SLC60A2: variants seen among roughly 807,000 people sequenced by gnomAD.
SLC60A2 encodes major facilitator superfamily domain containing 4B.
At chr6:111,259,351 T>A in the SLC60A2 span, 1 of 315,466 alleles carries the variant, frequency 3.2e-6, no homozygotes, top group East Asian at 5.0e-5. Context: ...AGAGCGAGCG[T>A]CTTTTGCCAC....
chr6:111,265,404 C>T, the SLC60A2 span: 2 of 985,170 alleles, frequency 2.0e-6, no homozygotes, highest in South Asian at 9.4e-5. Context: ...ATTCAGGTTC[C>T]TGGACGTGTG....
chr6:111,266,707 A>C, the SLC60A2 span: 2 of 1,614,150 alleles, frequency 1.2e-6, no homozygotes, highest in Non-Finnish European at 1.7e-6. Context: ...AAATACCCTG[A>C]TTTGCCTGTA....
chr6:111,274,092 G>A, the SLC60A2 span, among the ~76,000 whole-genome samples: 11 of 152,164 alleles, frequency 7.2e-5, no homozygotes, highest in African/African-American at 2.4e-4. Context: ...CTGGGCTCAA[G>A]CATTCCTCCC....
chr6:111,279,747 A>G, the SLC60A2 span, among the ~76,000 whole-genome samples: 41 of 152,178 alleles, frequency 2.7e-4, no homozygotes, highest in Middle Eastern at 3.4e-3. Flanking sequence ...CAGAGTAGGA[A>G]TGATCTTGCA....
the SLC60A2 span, chr6:111,266,398 C>T: frequency 1.2e-6 from 2 of 1,614,074 alleles, no homozygotes; most frequent in Non-Finnish European, 1.7e-6. Context: ...GGGACATTTG[C>T]AGCCTGCAGG....
chr6:111,262,461 T>C, the SLC60A2 span: 1 of 1,558,264 alleles, frequency 6.4e-7, no homozygotes, highest in Admixed American at 1.8e-5. Context: ...TTTATGACTG[T>C]CAAGTGAATT....
the SLC60A2 span, chr6:111,264,015 A>G: frequency 1.3e-6 from 1 of 786,382 alleles, no homozygotes; most frequent in Admixed American, 2.0e-5. Flanking sequence ...AGATGATACT[A>G]AACTGTCACT....
the SLC60A2 span, among the ~76,000 whole-genome samples, chr6:111,277,361 G>C: frequency 6.6e-6 from 1 of 152,184 alleles, no homozygotes; most frequent in Non-Finnish European, 1.5e-5. Context: ...AAGAAAGAAA[G>C]CTTTCTCCTA....
the SLC60A2 span, among the ~76,000 whole-genome samples, chr6:111,260,860 G>C: frequency 6.6e-6 from 1 of 152,232 alleles, no homozygotes; most frequent in Admixed American, 6.5e-5. Flanking sequence ...CTGTGCTCAG[G>C]CTTCTCTCGA....
chr6:111,278,039 C>G, the SLC60A2 span: 30 of 152,304 alleles, frequency 2.0e-4, no homozygotes, highest in Admixed American at 1.8e-3. Context: ...AGTTCTGTGT[C>G]CAAGCACTCT....
chr6:111,266,476 G>A, the SLC60A2 span: 2 of 1,614,214 alleles, frequency 1.2e-6, no homozygotes, highest in Admixed American at 3.3e-5. Flanking sequence ...AACATTGGCA[G>A]CCTGACTTCA....
the SLC60A2 span, among the ~76,000 whole-genome samples, chr6:111,262,717 C>T: frequency 6.6e-6 from 1 of 152,032 alleles, no homozygotes; most frequent in Non-Finnish European, 1.5e-5. Flanking sequence ...ACTGGTTGTC[C>T]AAAAAACTCT....
chr6:111,259,561 G>T, the SLC60A2 span: 33 of 821,920 alleles, frequency 4.0e-5, no homozygotes, highest in Non-Finnish European at 5.9e-5. Context: ...GTGGAGCTCC[G>T]TGGGGCCGGG....
the SLC60A2 span, chr6:111,259,653 T>G: frequency 1.2e-5 from 19 of 1,567,672 alleles, no homozygotes; most frequent in Non-Finnish European, 1.6e-5. Flanking sequence ...GGTGGTCTCC[T>G]GGCAGAGCGG....
the SLC60A2 span, among the ~76,000 whole-genome samples, chr6:111,272,231 G>C: frequency 6.6e-6 from 1 of 151,956 alleles, no homozygotes; most frequent in Non-Finnish European, 1.5e-5. Flanking sequence ...TCAAACTCCT[G>C]ACCTCAAGTG....
chr6:111,260,378 C>A, the SLC60A2 span, among the ~76,000 whole-genome samples: 1 of 152,296 alleles, frequency 6.6e-6, no homozygotes, highest in Admixed American at 6.5e-5. Context: ...TTCAGCCAAC[C>A]GCTTAATTTT....
chr6:111,266,979 A>G, the SLC60A2 span: 1 of 1,614,244 alleles, frequency 6.2e-7, no homozygotes, highest in South Asian at 1.1e-5. Context: ...GACATCTAGA[A>G]GTAGTCTGAC....
At chr6:111,279,044 G>A in the SLC60A2 span, among the ~76,000 whole-genome samples, 2 of 152,146 alleles carry the variant, frequency 1.3e-5, no homozygotes, top group African/African-American at 4.8e-5. Flanking sequence ...TACCAATTTG[G>A]TCTGGAGTGG....
chr6:111,259,696 C>G, the SLC60A2 span: 1 of 1,601,296 alleles, frequency 6.2e-7, no homozygotes, highest in South Asian at 1.1e-5. Flanking sequence ...TGGTTCACCA[C>G]CTTGATGCTG....
Sources: gnomAD v4.1 joint callset for allele counts (sites outside exome capture counted in the v4.1 genomes callset) on GRCh38, gnomAD v4.1.1 for gene constraint, MANE v1.5 for transcripts, NCBI Gene and HGNC (gene_info 2026-07-23, HGNC 2026-07-21) for gene names.